SLC35F4: variants seen among roughly 807,000 people sequenced by gnomAD.
The protein encoded by SLC35F4 is solute carrier family 35 member F4.
A neutral mutation model predicts 44.2 loss-of-function variants in SLC35F4; 24 were observed. That is an observed-to-expected ratio of 0.54 (90% CI 0.39 to 0.76). The LOEUF (loss-of-function observed/expected upper bound fraction) is 0.76, where lower values mean the gene tolerates loss of function less well. Ranked by LOEUF, SLC35F4 falls within the 30% of genes least tolerant of loss-of-function variation. The pLI is 0.00. For synonymous variants in SLC35F4, 238 were observed against 223.6 expected (o/e 1.06, Z -0.57); for missense variants, 562 against 586.1 (o/e 0.96, Z 0.42).
intron 1 of SLC35F4, among the ~76,000 whole-genome samples, chr14:57,742,130 T>C (rs1204138190): frequency 6.6e-6 from 1 of 152,144 alleles, no homozygotes. Flanking sequence ...TGCCAAATTG[T>C]AAAGACCATC....
At chr14:57,667,246 T>G (rs1027172735) in intron 1 of SLC35F4, among the ~76,000 whole-genome samples, 13 of 152,000 alleles carry the variant, frequency 8.6e-5, no homozygotes, top group Non-Finnish European at 1.6e-4. Flanking sequence ...CATGTTCTGC[T>G]GGGTCACACT....
chr14:57,650,763 G>T (rs1288579947), intron 1 of SLC35F4, among the ~76,000 whole-genome samples: 1 of 152,062 alleles, frequency 6.6e-6, no homozygotes, highest in Admixed American at 6.6e-5. Flanking sequence ...GTCCATCCCT[G>T]CCCACCCCTC....
At chr14:57,870,156 G>GTGTGTGTGTGTGTGTGTC (rs1211320834), upstream of SLC35F4, among the ~76,000 whole-genome samples, 390 of 150,918 alleles carry the variant, frequency 2.6e-3, 1 homozygote, top group African/African-American at 8.7e-3. Flanking sequence ...GTGTGTGTGT[G>GTGTGTGTGTGTGTGTGTC]TCTGTGTCTC....
intron 1 of SLC35F4, among the ~76,000 whole-genome samples, chr14:57,882,536 A>G (rs975750188): frequency 1.3e-5 from 2 of 152,190 alleles, no homozygotes; most frequent in Admixed American, 6.5e-5. Context: ...TACTATAGGC[A>G]GAGAGGCCAT....
intron 3 of SLC35F4, among the ~76,000 whole-genome samples, chr14:57,585,620 A>G (rs1389187485): frequency 2.0e-5 from 3 of 152,224 alleles, no homozygotes; most frequent in Non-Finnish European, 2.9e-5. Context: ...AATCTCCTTA[A>G]GCTGATAAGG....
At chr14:57,906,422 T>G (rs984504297) in intron 1 of SLC35F4, among the ~76,000 whole-genome samples, 1 of 152,202 alleles carries the variant, frequency 6.6e-6, no homozygotes, top group African/African-American at 2.4e-5. Flanking sequence ...CTTTTTTAAG[T>G]TTTTTGGTAT....
chr14:57,783,909 T>C (rs1295813064), intron 1 of SLC35F4, among the ~76,000 whole-genome samples: 2 of 152,150 alleles, frequency 1.3e-5, no homozygotes, highest in African/African-American at 2.4e-5. Flanking sequence ...AGAGAGAAGA[T>C]AATAAAAATC....
At chr14:57,782,911 T>A (rs944341670) in intron 1 of SLC35F4, among the ~76,000 whole-genome samples, 5 of 152,118 alleles carry the variant, frequency 3.3e-5, no homozygotes, top group African/African-American at 1.2e-4. Flanking sequence ...AAATGTGGCA[T>A]AAATTGAAGT....
chr14:57,738,033 T>C (rs1334045844), intron 1 of SLC35F4, among the ~76,000 whole-genome samples: 1 of 152,172 alleles, frequency 6.6e-6, no homozygotes, highest in Non-Finnish European at 1.5e-5. Flanking sequence ...TAACTAATCT[T>C]CACATAAAAA....
intron 1 of SLC35F4, among the ~76,000 whole-genome samples, chr14:57,606,331 CA>C (rs35695680): frequency 0.31 from 47,578 of 151,950 alleles, 7,560 homozygotes; most frequent in Middle Eastern, 0.38. Flanking sequence ...TATATTTCTC[CA>C]AAAACCCATA....
At chr14:57,783,488 G>C (rs1414297021) in intron 1 of SLC35F4, among the ~76,000 whole-genome samples, 1 of 152,170 alleles carries the variant, frequency 6.6e-6, no homozygotes, top group Non-Finnish European at 1.5e-5. Flanking sequence ...TAACTCTACT[G>C]TTTTGTGCAA....
chr14:57,687,816 A>G (rs1364611114), intron 1 of SLC35F4, among the ~76,000 whole-genome samples: 2 of 152,202 alleles, frequency 1.3e-5, no homozygotes, highest in African/African-American at 2.4e-5. Context: ...ACATTCATCA[A>G]TGTCCTAAAA....
intron 1 of SLC35F4, among the ~76,000 whole-genome samples, chr14:57,651,869 G>A (rs549044880): frequency 6.6e-6 from 1 of 152,336 alleles, no homozygotes; most frequent in South Asian, 2.1e-4. Flanking sequence ...ACCAGAGGCA[G>A]AGCAGTGGGT....
chr14:57,631,766 C>T (rs1361315912), intron 1 of SLC35F4, among the ~76,000 whole-genome samples: 1 of 152,066 alleles, frequency 6.6e-6, no homozygotes, highest in Non-Finnish European at 1.5e-5. Flanking sequence ...AAGTAATATC[C>T]TTAACCATTT....
chr14:57,630,459 C>A, intron 1 of SLC35F4: 2 of 812,776 alleles, frequency 2.5e-6, no homozygotes, highest in Non-Finnish European at 2.1e-6. Context: ...AAGTCCCAGC[C>A]CAAGAGAGAA....
At chr14:57,630,533 G>C in intron 1 of SLC35F4, 1 of 1,122,818 alleles carries the variant, frequency 8.9e-7, no homozygotes, top group Non-Finnish European at 1.4e-6. Flanking sequence ...CTCAAAAATA[G>C]ATTCCAAAAC....
chr14:57,660,742 C>T (rs755397193), intron 1 of SLC35F4, among the ~76,000 whole-genome samples: 11 of 152,042 alleles, frequency 7.2e-5, no homozygotes, highest in African/African-American at 1.2e-4. Context: ...AAGGCCCACA[C>T]GGCAAGAAAC....
chr14:57,578,506 T>C (rs1156924579), intron 4 of SLC35F4: 1 of 152,010 alleles, frequency 6.6e-6, no homozygotes, highest in African/African-American at 2.4e-5. Context: ...GTTCTCAATA[T>C]GTCTTGGGAG....
At chr14:57,815,163 T>C (rs73304828) in intron 1 of SLC35F4, among the ~76,000 whole-genome samples, 4,306 of 152,268 alleles carry the variant, frequency 0.028, 115 homozygotes, top group African/African-American at 0.075. Flanking sequence ...TGCCAACCCT[T>C]TATTTAGAAT....
Sources: gnomAD v4.1 joint callset for allele counts (sites outside exome capture counted in the v4.1 genomes callset) on GRCh38, gnomAD v4.1.1 for gene constraint, MANE v1.5 for transcripts, NCBI Gene and HGNC (gene_info 2026-07-23, HGNC 2026-07-21) for gene names.